The following STXBP4 variants were observed in gnomAD, a reference collection of about 807,000 sequenced individuals.
The protein encoded by STXBP4 is syntaxin-binding protein 4.
A neutral mutation model predicts 76.1 loss-of-function variants in STXBP4; 55 were observed. That is an observed-to-expected ratio of 0.72 (90% CI 0.58 to 0.91). The LOEUF is 0.91. Ranked by LOEUF, STXBP4 falls within the 40% of genes least tolerant of loss-of-function variation. STXBP4 has a pLI of 0.00. For missense variants in STXBP4, 618 were observed against 636.9 expected (o/e 0.97, Z 0.32); for synonymous variants, 201 against 220.2 (o/e 0.91, Z 0.77).
chr17:55,027,915 G>GT (rs956838336), intron 8 of STXBP4, among the ~76,000 whole-genome samples: 5 of 151,984 alleles, frequency 3.3e-5, no homozygotes, highest in East Asian at 1.9e-4. Flanking sequence ...TAAAACTCAT[G>GT]TTTTTTTACA....
At chr17:55,047,011 C>G in intron 11 of STXBP4, 78 bp from the exon 12 acceptor site, 1 of 790,740 alleles carries the variant, frequency 1.3e-6, no homozygotes, top group Non-Finnish European at 2.1e-6. Flanking sequence ...GAATATAGGC[C>G]TTGAAACAAG....
At position 55,141,321 on chromosome 17, in the gene STXBP4, G is replaced by A; in HGVS notation, c.1501G>A (p.Gly501Arg). The A allele has an allele frequency of 6.2e-7, 1 of 1,611,680 alleles. No individual in the cohort carries two copies. The highest frequency in any genetic ancestry group is 8.5e-7 in the Non-Finnish European group (1 of 1,178,706). Residue 501 changes from glycine (G) to arginine (R), a missense_variant, in exon 17 of 18, where the codon GGG becomes AGG. Physicochemically the swap from Gly to Arg is moderately radical, Grantham distance 125. Transcript: ENST00000376352. ...TCCTTTCACTGTAGGTTTACCTTAT[G>A]GGTGGGAGGAAGCTTACACAGCAGA... ...ALLDMDCLPY[G>R]WEEAYTADGI... is the part of the protein sequence containing the mutation.
At chr17:55,118,391 G>A (rs1034696208) in intron 16 of STXBP4, among the ~76,000 whole-genome samples, 1 of 151,862 alleles carries the variant, frequency 6.6e-6, no homozygotes, top group African/African-American at 2.4e-5. Context: ...ATGAAAGGAG[G>A]CCAGAACAGA....
rs575718606 is a variant in STXBP4 at position 55,077,647 on chromosome 17, A to G, written c.1189-431A>G. Among the ~76,000 whole-genome samples, 31 of 150,106 alleles carry G rather than the reference A, an allele frequency of 2.1e-4. 1 individual carries two copies. In the South Asian group the frequency reaches 6.3e-3, roughly 31 times the overall value. ...CTTGGCATCGCTGTTGCATGTCTCC[A>G]TGGAATTCCTTTACTTCCTTGCTAG... On this transcript the variant is annotated intron_variant, in intron 13 of 17. Transcript: ENST00000376352.
At chr17:55,209,834 G>A in the STXBP4 span, among the ~76,000 whole-genome samples, 6 of 152,154 alleles carry the variant, frequency 3.9e-5, no homozygotes, top group East Asian at 1.9e-4. Context: ...TCCCTCTTCC[G>A]AGGGGATTTT....
intron 8 of STXBP4, among the ~76,000 whole-genome samples, chr17:55,019,528 T>C (rs1424540002): frequency 1.3e-5 from 2 of 152,182 alleles, no homozygotes; most frequent in Non-Finnish European, 2.9e-5. Context: ...TATGAATTAT[T>C]AATATATTTG....
At chr17:55,020,560 G>C (rs1410256656) in intron 8 of STXBP4, among the ~76,000 whole-genome samples, 2 of 152,088 alleles carry the variant, frequency 1.3e-5, no homozygotes, top group Non-Finnish European at 2.9e-5. Context: ...GCTCACACCT[G>C]TAATCTCAGC....
At chr17:55,048,904 T>G (rs2078824621) in intron 12 of STXBP4, among the ~76,000 whole-genome samples, 1 of 151,938 alleles carries the variant, frequency 6.6e-6, no homozygotes, top group Non-Finnish European at 1.5e-5. Flanking sequence ...GACCTGAATC[T>G]AATATAGGTA....
chr17:54,987,375 T>G (rs980884992), intron 3 of STXBP4, among the ~76,000 whole-genome samples: 4 of 152,168 alleles, frequency 2.6e-5, no homozygotes, highest in Non-Finnish European at 5.9e-5. Context: ...CACATGATAA[T>G]TATATATATT....
Position 55,125,479 on chromosome 17 carries a change from C to CAAAAAAAAAAAAA in STXBP4, c.1490-15822_1490-15810dup, listed in dbSNP as rs10632680. On this transcript the variant is annotated intron_variant, in intron 16 of 17. Coordinates refer to ENST00000376352, the MANE Select transcript of STXBP4 (RefSeq NM_178509.6). ...CCTATTGTAAACCCTGGACAAAATA[C>CAAAAAAAAAAAAA]AAAAAAAAAAAAAAAAAAAAATACA... Among the ~76,000 whole-genome samples, 282 of 91,682 alleles carry CAAAAAAAAAAAAA rather than the reference C, an allele frequency of 3.1e-3. 3 individuals carry two copies. Among genetic ancestry groups the CAAAAAAAAAAAAA allele is most frequent in the Non-Finnish European group, 4.3e-3 (200 of 46,850 alleles). 60.1% of individuals were successfully genotyped at this position (91,682 alleles called of 152,430 possible).
At chr17:55,137,383 T>C (rs886824028) in intron 16 of STXBP4, among the ~76,000 whole-genome samples, 1 of 151,176 alleles carries the variant, frequency 6.6e-6, no homozygotes, top group Admixed American at 6.6e-5. Flanking sequence ...CTAACAAATG[T>C]TTTTCAAATA....
At chr17:55,182,826 A>G in the STXBP4 span, among the ~76,000 whole-genome samples, 2 of 152,168 alleles carry the variant, frequency 1.3e-5, no homozygotes, top group African/African-American at 4.8e-5. Flanking sequence ...AAACATTGCC[A>G]ACTTAGAATT....
chr17:55,117,805 C>G (rs1432363366), intron 16 of STXBP4, among the ~76,000 whole-genome samples: 1 of 151,914 alleles, frequency 6.6e-6, no homozygotes, highest in African/African-American at 2.4e-5. Flanking sequence ...CCTTTAGGTT[C>G]TGTTCTCTCC....
the STXBP4 span, among the ~76,000 whole-genome samples, chr17:55,191,458 T>G: frequency 6.6e-6 from 1 of 152,166 alleles, no homozygotes; most frequent in African/African-American, 2.4e-5. Flanking sequence ...GTTATGACAA[T>G]GGAGGATCCT....
At chr17:55,034,657 C>T (rs897988870) in intron 10 of STXBP4, among the ~76,000 whole-genome samples, 5 of 152,022 alleles carry the variant, frequency 3.3e-5, no homozygotes, top group African/African-American at 9.7e-5. Context: ...CCTAAACCAT[C>T]CTTATTTAAT....
chr17:55,080,040 T>C (rs975051776), intron 15 of STXBP4, among the ~76,000 whole-genome samples: 10 of 152,156 alleles, frequency 6.6e-5, no homozygotes, highest in African/African-American at 2.4e-4. Context: ...TCACATTTAT[T>C]TCTTTATGGG....
At chr17:55,037,660 T>G (rs2078626457) in intron 10 of STXBP4, among the ~76,000 whole-genome samples, 1 of 152,130 alleles carries the variant, frequency 6.6e-6, no homozygotes, top group African/African-American at 2.4e-5. Context: ...TATTAATTTT[T>G]TATTATATTT....
rs10632680 is a variant in STXBP4 at position 55,125,479 on chromosome 17, CAAAA to C, written c.1490-15813_1490-15810del. 2.5e-3 allele frequency among the ~76,000 whole-genome samples: 229 copies of C among 91,764 alleles called. 1 individual carries two copies. The highest frequency in any genetic ancestry group is 0.014 in the Admixed American group (98 of 6,990). 60.2% of individuals were successfully genotyped at this position (91,764 alleles called of 152,430 possible). Reference sequence around the variant, plus strand: ...CCTATTGTAAACCCTGGACAAAATACAAAAAAAAAAAAAAAAAAAAATACAATTG... The same window carrying C: ...CCTATTGTAAACCCTGGACAAAATACAAAAAAAAAAAAAAAAATACAATTG... On this transcript the variant is annotated intron_variant, in intron 16 of 17. Coordinates refer to ENST00000376352, the MANE Select transcript of STXBP4 (RefSeq NM_178509.6).
rs759562752 is a variant in STXBP4, at chr17:55,159,868, A to G, written c.1619A>G (p.Asn540Ser). Residue 540 changes from asparagine (N) to serine (S), a missense_variant, in exon 18 of 18, where the codon AAT becomes AGT. Physicochemically the swap from Asn to Ser is conservative, Grantham distance 46. Coordinates refer to ENST00000376352, the MANE Select transcript of STXBP4 (RefSeq NM_178509.6). ...SVLNLSRSEE[N>S]EEDCSRELPN... ...CTGAATCTATCTCGCTCAGAGGAGA[A>G]TGAAGAGGATTGCTCTAGAGAACTC... 3.1e-6 allele frequency: 5 copies of G among 1,613,924 alleles called. No individual in the cohort carries two copies. In the African/African-American group the frequency reaches 6.7e-5, roughly 22 times the overall value.
Sources: gnomAD v4.1 joint callset for allele counts (sites outside exome capture counted in the v4.1 genomes callset) on GRCh38, gnomAD v4.1.1 for gene constraint, MANE v1.5 for transcripts, NCBI Gene and HGNC (gene_info 2026-07-23, HGNC 2026-07-21) for gene names.